The following FBN2 variants were observed in gnomAD, a reference collection of about 807,000 sequenced individuals.
FBN2 encodes fibrillin-2.
In FBN2, 105 loss-of-function variants were observed where a neutral mutation model predicts 355.6. That is an observed-to-expected ratio of 0.30 (90% confidence interval 0.25 to 0.35). FBN2 has a LOEUF of 0.35. Among genes scored for constraint, FBN2 ranks in the 10% least tolerant of loss-of-function variants. The pLI, the probability that FBN2 is intolerant of heterozygous loss-of-function variation, is 1.00. For synonymous variants in FBN2, 1,350 were observed against 1,301.2 expected (o/e 1.04, Z -0.81); for missense variants, 3,280 against 3,758.7 (o/e 0.87, Z 3.33).
intron 5 of FBN2, among the ~76,000 whole-genome samples, chr5:128,479,958 CTCTCTCTCTCTCTCTCTCTATA>C (rs1300648850): frequency 1.4e-3 from 50 of 36,228 alleles, no homozygotes; most frequent in Non-Finnish European, 2.4e-3. Context: ...CTCTCTCTCT[CTCTCTCTCTCTCTCTCTCTATA>C]TATATATATA....
rs1750522745 is a variant in FBN2, at chr5:128,325,614, A to T, written c.4471+3082T>A. Among the ~76,000 whole-genome samples the T allele has an allele frequency of 4.6e-5, 7 of 152,280 alleles. No individual in the cohort carries two copies. The South Asian group carries it at 1.5e-3, about 32-fold the overall frequency. On this transcript the variant is annotated intron_variant, in intron 34 of 64. Coordinates refer to ENST00000262464, the MANE Select transcript of FBN2 (RefSeq NM_001999.4). ...CTTTGTCTTACAATTTAGGCTTTGT[A>T]TATTCAGTTCTTTGTTTTATTGCAG...
chr5:128,495,031 C>A (rs1174286661), intron 5 of FBN2, among the ~76,000 whole-genome samples: 1 of 151,928 alleles, frequency 6.6e-6, no homozygotes, highest in African/African-American at 2.4e-5. Flanking sequence ...CTAAAGGAAG[C>A]CATGCTGAAA....
At chr5:128,447,960 G>T (rs529786019) in intron 6 of FBN2, among the ~76,000 whole-genome samples, 1 of 152,320 alleles carries the variant, frequency 6.6e-6, no homozygotes, top group African/African-American at 2.4e-5. Context: ...TGTTGCTTCA[G>T]TTGGCTGCAG....
chr5:128,292,253 G>C (rs946126817), intron 48 of FBN2, among the ~76,000 whole-genome samples: 1 of 152,062 alleles, frequency 6.6e-6, no homozygotes, highest in African/African-American at 2.4e-5. Flanking sequence ...TGGAAATGGA[G>C]GGCTGAGACA....
At chr5:128,367,952 G>T (rs948878596) in intron 16 of FBN2, among the ~76,000 whole-genome samples, 2 of 151,700 alleles carry the variant, frequency 1.3e-5, no homozygotes, top group East Asian at 3.9e-4. Flanking sequence ...CTCCATTCAG[G>T]ATTTTTAAGG....
chr5:128,476,363 C>G (rs988993140), intron 5 of FBN2, among the ~76,000 whole-genome samples: 26 of 151,836 alleles, frequency 1.7e-4, no homozygotes, highest in Admixed American at 1.3e-4. Context: ...ACTAAAATAA[C>G]AAAACTCAGC....
chr5:128,372,055 GT>G (rs951824722), intron 15 of FBN2, among the ~76,000 whole-genome samples: 1 of 152,132 alleles, frequency 6.6e-6, no homozygotes, highest in Non-Finnish European at 1.5e-5. Context: ...ATCAGTAGTA[GT>G]TAACTTATTG....
chr5:128,499,322 T>G (rs1384680654), intron 5 of FBN2, among the ~76,000 whole-genome samples: 2 of 152,162 alleles, frequency 1.3e-5, no homozygotes, highest in Admixed American at 6.5e-5. Context: ...ATAAATGATT[T>G]CTTAAGCCTA....
intron 20 of FBN2, among the ~76,000 whole-genome samples, chr5:128,356,821 T>C (rs1039614164): frequency 7.2e-5 from 11 of 152,136 alleles, no homozygotes; most frequent in Non-Finnish European, 1.6e-4. Flanking sequence ...TTATGATTGA[T>C]GGAAAAAAGA....
At chr5:128,512,752 C>CT (rs943335954) in intron 5 of FBN2, among the ~76,000 whole-genome samples, 2 of 152,034 alleles carry the variant, frequency 1.3e-5, no homozygotes, top group Admixed American at 6.5e-5. Flanking sequence ...TCGCAACATT[C>CT]TTTTTTCTCC....
chr5:128,335,923 C>T (rs978494986), intron 28 of FBN2, 65 bp downstream of exon 28: 128 of 1,565,690 alleles, frequency 8.2e-5, no homozygotes, highest in Middle Eastern at 3.4e-4. Context: ...TATAATTCAG[C>T]GCCAAAAGTT....
intron 4 of FBN2, 116 bp downstream of exon 4, chr5:128,527,756 T>G: frequency 1.4e-6 from 1 of 736,524 alleles, no homozygotes; most frequent in Non-Finnish European, 2.4e-6. Context: ...TAAGGTATGG[T>G]TTACTACATA....
At chr5:128,308,086 A>G (rs1204205264) in intron 41 of FBN2, among the ~76,000 whole-genome samples, 1 of 152,124 alleles carries the variant, frequency 6.6e-6, no homozygotes, top group Non-Finnish European at 1.5e-5. Flanking sequence ...TGAATTAGTC[A>G]CTGTAATTAT....
chr5:128,280,162 C>A, intron 56 of FBN2, 30 bp downstream of exon 56: 1 of 1,594,530 alleles, frequency 6.3e-7, no homozygotes, highest in Non-Finnish European at 8.6e-7. Context: ...TTTTATCTAC[C>A]AAGTATAATA....
Position 128,259,764 on chromosome 5 carries a change from G to T in FBN2, c.8430C>A (p.Ser2810=). 7 of 1,613,796 alleles carry T rather than the reference G, an allele frequency of 4.3e-6. No homozygotes were observed. Among genetic ancestry groups the T allele is most frequent in the Non-Finnish European group, 5.9e-6 (7 of 1,179,958 alleles). ...DSPVNMKFNL[S]HLGSKEHILE... is the part of the protein sequence containing the mutation. ...GGATGTGCTCCTTAGAGCCGAGGTG[G>T]GAGAGGTTGAACTTCATGTTGACGG... The change falls in exon 65 of 65, where the codon TCC becomes TCA. Residue 2810 remains serine (S), a synonymous_variant. Transcript: ENST00000262464.
chr5:128,354,513 T>C (rs932047751), intron 20 of FBN2, among the ~76,000 whole-genome samples: 2 of 152,212 alleles, frequency 1.3e-5, no homozygotes, highest in Non-Finnish European at 2.9e-5. Context: ...CTAGTGGCTA[T>C]GTGGAGAACT....
At chr5:128,468,629 T>C (rs1414706981) in intron 5 of FBN2, among the ~76,000 whole-genome samples, 1 of 152,228 alleles carries the variant, frequency 6.6e-6, no homozygotes, top group Non-Finnish European at 1.5e-5. Context: ...TAATATTTGC[T>C]GTTTTCTACA....
intron 6 of FBN2, among the ~76,000 whole-genome samples, chr5:128,449,418 CTATATAATAG>C (rs1561462744): frequency 7.1e-6 from 1 of 140,856 alleles, no homozygotes; most frequent in African/African-American, 2.7e-5. Flanking sequence ...ATATAGTATA[CTATATAATAG>C]TATACTGTAT....
At chr5:128,484,428 T>C (rs1383721417) in intron 5 of FBN2, among the ~76,000 whole-genome samples, 1 of 152,144 alleles carries the variant, frequency 6.6e-6, no homozygotes, top group Non-Finnish European at 1.5e-5. Context: ...TTGCCATAAA[T>C]AATTAATGCC....
Sources: allele counts gnomAD v4.1 joint callset (sites outside exome capture counted in the v4.1 genomes callset), GRCh38; gene constraint gnomAD v4.1.1; transcripts MANE v1.5; gene names NCBI Gene and HGNC (gene_info 2026-07-23, HGNC 2026-07-21).